Variants in GNG2 observed in about 807,000 individuals in gnomAD.
GNG2 encodes the protein guanine nucleotide-binding protein G(I)/G(S)/G(O) subunit gamma-2.
In GNG2, 5 loss-of-function variants were observed where a neutral mutation model predicts 5.5. The observed-to-expected ratio is 0.91, with a 90% CI of 0.48 to 1.92. GNG2 has a LOEUF of 1.92. Ranked by LOEUF, GNG2 falls within the 30% of genes most tolerant of loss-of-function variation. The pLI is 0.01. For missense variants in GNG2, 55 were observed against 88.4 expected, an observed-to-expected ratio of 0.62 and a Z score of 1.52; for synonymous variants, 28 against 32.0, an observed-to-expected ratio of 0.88 and a Z score of 0.42.
rs557446662 is a variant in GNG2 at position 51,926,523 on chromosome 14, C to A, written c.-29-24127C>A. On this transcript the variant is annotated intron_variant, in intron 2 of 3. Coordinates refer to ENST00000556766, the MANE Select transcript of GNG2 (RefSeq NM_053064.5). ...TTGGTGCTCAGCACGTGGTGAGAAACCCAAAATGACCACTGATACATGCAC... is the reference window on the plus strand; with the variant it reads ...TTGGTGCTCAGCACGTGGTGAGAAAACCAAAATGACCACTGATACATGCAC... Among the ~76,000 whole-genome samples the A allele has an allele frequency of 4.1e-4, 63 of 152,198 alleles. 1 individual carries two copies. Among genetic ancestry groups the A allele is most frequent in the African/African-American group, 1.5e-3 (62 of 41,524 alleles).
At chr14:51,847,331 C>A (rs1397157632) in intron 2 of GNG2, 2 of 152,234 alleles carry the variant, frequency 1.3e-5, no homozygotes, top group Admixed American at 1.3e-4. Context: ...GAGTGTCAAC[C>A]CCAATTGGCA....
At chr14:51,827,575 A>G (rs946589766) in intron 1 of GNG2, 2 of 637,124 alleles carry the variant, frequency 3.1e-6, no homozygotes, top group Non-Finnish European at 5.6e-6. Context: ...GTTCCAGACT[A>G]TAACTAGCTC....
chr14:51,913,947 A>G (rs1251236650), intron 2 of GNG2, among the ~76,000 whole-genome samples: 4 of 152,216 alleles, frequency 2.6e-5, no homozygotes, highest in Non-Finnish European at 5.9e-5. Flanking sequence ...TTTTTCATAC[A>G]TATGTTTCAT....
intron 2 of GNG2, 43 bp downstream of exon 2, chr14:51,877,700 C>T (rs1883767989): frequency 2.2e-6 from 1 of 446,752 alleles, no homozygotes; most frequent in African/African-American, 2.0e-5. Flanking sequence ...TTGAATTTAA[C>T]CAGAACTTAA....
chr14:51,845,551 C>T (rs985871248), intron 2 of GNG2, among the ~76,000 whole-genome samples: 1 of 152,160 alleles, frequency 6.6e-6, no homozygotes, highest in Non-Finnish European at 1.5e-5. Context: ...GGCAATCTTG[C>T]CCAGCATTTC....
At chr14:51,861,555 T>TAA (rs1210985838) in intron 1 of GNG2, among the ~76,000 whole-genome samples, 2 of 152,144 alleles carry the variant, frequency 1.3e-5, no homozygotes, top group Admixed American at 6.5e-5. Context: ...AGGGACAAAA[T>TAA]AAAAAAGTGC....
At chr14:51,890,612 C>A (rs1380359763) in intron 2 of GNG2, among the ~76,000 whole-genome samples, 1 of 152,132 alleles carries the variant, frequency 6.6e-6, no homozygotes, top group Non-Finnish European at 1.5e-5. Flanking sequence ...AGATAACTTT[C>A]CATTTTACTT....
intron 3 of GNG2, among the ~76,000 whole-genome samples, chr14:51,954,965 A>G (rs570932375): frequency 2.5e-4 from 38 of 152,302 alleles, no homozygotes; most frequent in African/African-American, 9.1e-4. Context: ...CATAGCCCCT[A>G]GGAATTAACC....
At chr14:51,899,686 C>T (rs994384136) in intron 2 of GNG2, among the ~76,000 whole-genome samples, 2 of 152,210 alleles carry the variant, frequency 1.3e-5, no homozygotes, top group Admixed American at 6.5e-5. Flanking sequence ...GCCCTCCCCC[C>T]AGTCCCTGGC....
At chr14:51,838,036 T>C (rs532266580) in intron 2 of GNG2, among the ~76,000 whole-genome samples, 2 of 152,268 alleles carry the variant, frequency 1.3e-5, no homozygotes, top group South Asian at 4.1e-4. Context: ...CCCTCAGGTC[T>C]ACACACAAGC....
chr14:51,907,444 G>A (rs1451277364), intron 2 of GNG2, among the ~76,000 whole-genome samples: 1 of 152,206 alleles, frequency 6.6e-6, no homozygotes, highest in Non-Finnish European at 1.5e-5. Context: ...TTTCTGCAGT[G>A]AGAATTCATT....
At chr14:51,921,724 TGA>T (rs1887024591) in intron 2 of GNG2, among the ~76,000 whole-genome samples, 1 of 152,242 alleles carries the variant, frequency 6.6e-6, no homozygotes, top group African/African-American at 2.4e-5. Flanking sequence ...CTTCAGAGGC[TGA>T]GAGGTGGATG....
chr14:51,858,114 A>G (rs150144702), upstream of GNG2, among the ~76,000 whole-genome samples: 131 of 152,370 alleles, frequency 8.6e-4, no homozygotes, highest in African/African-American at 3.0e-3. Context: ...CAATTGATGC[A>G]TAAACTATTA....
chr14:51,932,931 C>T (rs1040795532), intron 2 of GNG2, among the ~76,000 whole-genome samples: 2 of 152,112 alleles, frequency 1.3e-5, no homozygotes, highest in Admixed American at 6.5e-5. Context: ...TCCTAAGTAT[C>T]CTCATAAGAG....
intron 2 of GNG2, among the ~76,000 whole-genome samples, chr14:51,948,948 C>T (rs1303083115): frequency 1.1e-4 from 17 of 151,946 alleles, no homozygotes; most frequent in Admixed American, 5.9e-4. Flanking sequence ...GGTGAAACCC[C>T]GTCTCTATTA....
intron 2 of GNG2, among the ~76,000 whole-genome samples, chr14:51,883,297 C>A (rs1884226182): frequency 1.3e-5 from 2 of 152,290 alleles, no homozygotes; most frequent in African/African-American, 4.8e-5. Context: ...ACTAGGCAAC[C>A]AGTATAGCAC....
chr14:51,862,453 C>A (rs1338191769), intron 1 of GNG2, among the ~76,000 whole-genome samples: 1 of 152,160 alleles, frequency 6.6e-6, no homozygotes, highest in African/African-American at 2.4e-5. Flanking sequence ...CCAGAATGAC[C>A]CAGTGGAGTT....
chr14:51,843,420 C>T (rs1260506114), intron 2 of GNG2, among the ~76,000 whole-genome samples: 2 of 152,052 alleles, frequency 1.3e-5, no homozygotes, highest in African/African-American at 4.8e-5. Flanking sequence ...CACACTGGGG[C>T]CTGTCGGGGG....
chr14:51,851,849 G>A (rs150587070), intron 2 of GNG2, among the ~76,000 whole-genome samples: 11 of 152,252 alleles, frequency 7.2e-5, no homozygotes, highest in African/African-American at 2.2e-4. Flanking sequence ...TTGCTGCCAC[G>A]TCCTTCAGAT....
Sources: allele counts gnomAD v4.1 joint callset (sites outside exome capture counted in the v4.1 genomes callset), GRCh38; gene constraint gnomAD v4.1.1; transcripts MANE v1.5; gene names NCBI Gene and HGNC (gene_info 2026-07-23, HGNC 2026-07-21).